BEND3: variants seen among roughly 807,000 people sequenced by gnomAD.
BEND3 encodes the protein BEN domain-containing protein 3.
In BEND3, 13 loss-of-function variants were observed where a neutral mutation model predicts 60.1. The observed-to-expected ratio is 0.22, with a 90% CI of 0.14 to 0.34. The LOEUF (loss-of-function observed/expected upper bound fraction) is 0.34, where lower values mean the gene tolerates loss of function less well. Ranked by LOEUF, BEND3 falls within the 10% of genes least tolerant of loss-of-function variation. BEND3 has a pLI of 1.00. For synonymous variants in BEND3, 497 were observed against 491.5 expected, an observed-to-expected ratio of 1.01 and a Z score of -0.15; for missense variants, 896 against 1,138.1, an observed-to-expected ratio of 0.79 and a Z score of 3.06.
chr6:107,079,839 T>C (rs9373912), intron 3 of BEND3, among the ~76,000 whole-genome samples: 53,178 of 151,968 alleles, frequency 0.35, 10,376 homozygotes, highest in Non-Finnish European at 0.45. Flanking sequence ...GAATAAGGTA[T>C]GGAAGGCACT....
chr6:107,093,317 C>T (rs1390709982), intron 3 of BEND3, among the ~76,000 whole-genome samples: 2 of 152,084 alleles, frequency 1.3e-5, no homozygotes, highest in East Asian at 1.9e-4. Flanking sequence ...AAAAATTAGC[C>T]GGGCGTGGTG....
At chr6:107,106,799 G>C (rs1309458379) in intron 1 of BEND3, among the ~76,000 whole-genome samples, 2 of 152,112 alleles carry the variant, frequency 1.3e-5, no homozygotes, top group East Asian at 3.9e-4. Flanking sequence ...GTAGAGACAG[G>C]GTCTCCAGGT....
intron 1 of BEND3, among the ~76,000 whole-genome samples, chr6:107,100,924 G>A (rs970878699): frequency 2.0e-5 from 3 of 152,152 alleles, no homozygotes; most frequent in East Asian, 1.9e-4. Context: ...ATTTCTGGCC[G>A]GGAATGGTGG....
intron 3 of BEND3, among the ~76,000 whole-genome samples, chr6:107,087,709 C>G (rs1775382268): frequency 6.6e-6 from 1 of 151,070 alleles, no homozygotes; most frequent in African/African-American, 2.4e-5. Context: ...TGCACTCCAG[C>G]CTGGGCGACA....
rs868942248 is a variant in BEND3 at position 107,109,442 on chromosome 6, C to A, written c.-12+5648G>T. Among the ~76,000 whole-genome samples, 65 of 48,698 alleles carry A rather than the reference C, an allele frequency of 1.3e-3. 1 individual carries two copies. The highest frequency in any genetic ancestry group is 3.6e-3 in the Admixed American group (10 of 2,782). 31.9% of individuals were successfully genotyped at this position (48,698 alleles called of 152,430 possible). A position where few individuals can be genotyped will look rare whatever the true frequency, so the allele number is the denominator to read the frequency against. On this transcript the variant is annotated intron_variant, in intron 1 of 3. Coordinates refer to ENST00000369042, the MANE Select transcript of BEND3 (RefSeq NM_001367314.1). ...TGGGTGACAGAGCAAGACTCTGTCT[C>A]AAAAAAAAAAAAAAAATCGAGGTGG...
At chr6:107,109,742 C>T (rs1329214221) in intron 1 of BEND3, among the ~76,000 whole-genome samples, 6 of 151,986 alleles carry the variant, frequency 3.9e-5, no homozygotes, top group Non-Finnish European at 5.9e-5. Context: ...GGCGTAGTGG[C>T]GGACACCTGA....
intron 2 of BEND3, 123 bp from the exon 3 acceptor site, chr6:107,098,876 T>A (rs1039051341): frequency 4.0e-6 from 3 of 746,242 alleles, no homozygotes; most frequent in East Asian, 2.7e-5. Context: ...GATAATGATG[T>A]CTAGTTGTAA....
Position 107,069,178 on chromosome 6 carries a change from G to T in BEND3, c.2013C>A (p.Thr671=). The change falls in exon 4 of 4, where the codon ACC becomes ACA. Residue 671 remains threonine, a synonymous_variant. Coordinates refer to ENST00000369042, the MANE Select transcript of BEND3 (RefSeq NM_001367314.1). ...HVPGPECRDL[T]SYAINPERFR... ...ACCTCTCGGGGTTGATTGCATAGCTGGTCAAGTCTCTGCACTCAGGGCCCG... is the reference window on the plus strand; with the variant it reads ...ACCTCTCGGGGTTGATTGCATAGCTTGTCAAGTCTCTGCACTCAGGGCCCG... The T allele has an allele frequency of 6.2e-7, 1 of 1,612,564 alleles. No individual in the cohort carries two copies. The highest frequency in any genetic ancestry group is 8.5e-7 in the Non-Finnish European group (1 of 1,180,034).
At chr6:107,085,530 C>T (rs376423588) in intron 3 of BEND3, among the ~76,000 whole-genome samples, 13 of 152,008 alleles carry the variant, frequency 8.6e-5, no homozygotes, top group African/African-American at 2.4e-4. Context: ...CTCACTCTGT[C>T]GCCCAGGCTG....
At chr6:107,107,422 T>C (rs1775839941) in intron 1 of BEND3, among the ~76,000 whole-genome samples, 1 of 122,448 alleles carries the variant, frequency 8.2e-6, no homozygotes, top group Admixed American at 9.4e-5. Context: ...ATTATAAAGC[T>C]TCTTTTTTTT....
Position 107,104,249 on chromosome 6 carries a change from C to T in BEND3, c.-11-4953G>A, listed in dbSNP as rs529872399. Among the ~76,000 whole-genome samples the T allele has an allele frequency of 7.2e-4, 107 of 149,390 alleles. 1 individual carries two copies. Among genetic ancestry groups the T allele is most frequent in the African/African-American group, 2.6e-3 (106 of 40,406 alleles). On this transcript the variant is annotated intron_variant, in intron 1 of 3. Transcript: ENST00000369042. ...AGCCTGCAGTGAGCCGAGATCGCGC[C>T]ACTGCACTCCAGCCTGGGCGACAGA...
chr6:107,115,116 G>C lies in BEND3; in HGVS notation c.-38C>G, dbSNP rs1554239110. 6.7e-6 allele frequency: 1 copy of C among 150,006 alleles called. No individual in the cohort carries two copies. The highest frequency in any genetic ancestry group is 1.5e-5 in the Non-Finnish European group (1 of 67,346). The allele number at this position is 150,006 out of a possible 1,614,324, so 9.3% of individuals were successfully genotyped here. A position where few individuals can be genotyped will look rare whatever the true frequency, so the allele number is the denominator to read the frequency against. On this transcript the variant is annotated 5_prime_UTR_variant, in exon 1 of 4. Coordinates refer to ENST00000369042, the MANE Select transcript of BEND3 (RefSeq NM_001367314.1). ...TGGGACGCGAGTTCTGTACTTTGCC[G>C]GGCGGGCCCGCGCCGAGTTTGGGCG... is the stretch of plus-strand genomic sequence containing the variant.
chr6:107,094,480 G>A (rs147703484), intron 3 of BEND3, among the ~76,000 whole-genome samples: 125 of 152,038 alleles, frequency 8.2e-4, no homozygotes, highest in African/African-American at 2.7e-3. Context: ...AATTAGCTGG[G>A]CGTGGTGGTG....
intron 3 of BEND3, among the ~76,000 whole-genome samples, chr6:107,086,529 C>T (rs549714039): frequency 8.9e-4 from 135 of 150,908 alleles, no homozygotes; most frequent in African/African-American, 3.0e-3. Context: ...GCAGGAGAAT[C>T]GCTTGAATCT....
In BEND3 at chr6:107,104,855, G is replaced by A. The variant is rs1205558487; in HGVS notation, c.-11-5559C>T. On this transcript the variant is annotated intron_variant, in intron 1 of 3. Transcript: ENST00000369042. ...AGCTAGTTTTTTATTTTGTAGAGAC[G>A]GGCCTCCCTACGTTGCCCAAGCTGG... 9.2e-5 allele frequency among the ~76,000 whole-genome samples: 14 copies of A among 151,632 alleles called. No homozygotes were observed. In the South Asian group the frequency reaches 1.5e-3, roughly 16 times the overall value.
In BEND3 at chr6:107,066,610, C is replaced by A. The variant is rs1774835205; in HGVS notation, c.*2094G>T. On this transcript the variant is annotated 3_prime_UTR_variant, in exon 4 of 4. Transcript: ENST00000369042. ...CTAAAGTTGCAGGGTCAACATTCCA[C>A]CCTCTAGAAAGCAGGGCAATTCATG... is the stretch of plus-strand genomic sequence containing the variant. 2.0e-5 allele frequency: 3 copies of A among 152,586 alleles called. No individual in the cohort carries two copies. Among genetic ancestry groups the A allele is most frequent in the Non-Finnish European group, 2.9e-5 (2 of 68,040 alleles). 9.5% of individuals were successfully genotyped at this position (152,586 alleles called of 1,614,324 possible).
chr6:107,107,682 T>C (rs1245437102), intron 1 of BEND3, among the ~76,000 whole-genome samples: 2 of 152,136 alleles, frequency 1.3e-5, no homozygotes, highest in Non-Finnish European at 2.9e-5. Context: ...AGGATGGCCT[T>C]GAACTCCTGG....
intron 1 of BEND3, among the ~76,000 whole-genome samples, chr6:107,109,457 A>AAAAAAAAAAAAAAAAC (rs1562318498): frequency 2.0e-5 from 3 of 149,660 alleles, no homozygotes; most frequent in South Asian, 2.1e-4. Context: ...AAAAAAAAAA[A>AAAAAAAAAAAAAAAAC]ATCGAGGTGG....
intron 3 of BEND3, among the ~76,000 whole-genome samples, chr6:107,076,217 T>C (rs1163548803): frequency 6.6e-6 from 1 of 152,182 alleles, no homozygotes; most frequent in East Asian, 1.9e-4. Flanking sequence ...TGGCTGATGA[T>C]AAAATCTCGG....
Sources: gnomAD v4.1 joint callset for allele counts (sites outside exome capture counted in the v4.1 genomes callset) on GRCh38, gnomAD v4.1.1 for gene constraint, MANE v1.5 for transcripts, NCBI Gene and HGNC (gene_info 2026-07-23, HGNC 2026-07-21) for gene names.